Variants in SH3PXD2B observed in about 807,000 individuals in gnomAD.
SH3PXD2B encodes SH3 and PX domain-containing protein 2B.
A neutral mutation model predicts 73.1 loss-of-function variants in SH3PXD2B; 37 were observed. The ratio of observed to expected loss-of-function variants is 0.51; its 90% CI spans 0.39 to 0.67. SH3PXD2B has a LOEUF of 0.67. SH3PXD2B is among the 30% of genes least tolerant of loss of function. The pLI, the probability that SH3PXD2B is intolerant of heterozygous loss-of-function variation, is 0.00. For missense variants in SH3PXD2B, 1,053 were observed against 1,197.8 expected (o/e 0.88, Z 1.78); for synonymous variants, 457 against 480.5 (o/e 0.95, Z 0.64).
At position 172,337,033 on chromosome 5, in the gene SH3PXD2B, C is replaced by A; in HGVS notation, c.*1336G>T. 1.0e-6 allele frequency: 1 copy of A among 985,580 alleles called. No individual in the cohort carries two copies. Among genetic ancestry groups the A allele is most frequent in the Non-Finnish European group, 1.2e-6 (1 of 830,026 alleles). 61.1% of individuals were successfully genotyped at this position (985,580 alleles called of 1,614,324 possible). A position where few individuals can be genotyped will look rare whatever the true frequency, so the allele number is the denominator to read the frequency against. ...ATGCTCAGAGCCCTCCAGGCTGGCC[C>A]TCGAGGCCACCTCAGCTCCCGTTGC... On this transcript the variant is annotated 3_prime_UTR_variant, in exon 13 of 13. Transcript: ENST00000311601.
At chr5:172,415,626 C>T (rs1310933938) in intron 2 of SH3PXD2B, among the ~76,000 whole-genome samples, 3 of 152,184 alleles carry the variant, frequency 2.0e-5, no homozygotes, top group Non-Finnish European at 4.4e-5. Flanking sequence ...GCATCTGGCA[C>T]ATTCCAGTTA....
At chr5:172,432,603 TCGCAAA>T (rs1759273903) in intron 1 of SH3PXD2B, among the ~76,000 whole-genome samples, 1 of 152,244 alleles carries the variant, frequency 6.6e-6, no homozygotes, top group Non-Finnish European at 1.5e-5. Context: ...GTAGGCAAAT[TCGCAAA>T]CATGAAATCT....
intron 7 of SH3PXD2B, among the ~76,000 whole-genome samples, chr5:172,359,362 G>A (rs926365973): frequency 1.2e-4 from 16 of 128,454 alleles, no homozygotes; most frequent in East Asian, 5.1e-4. Context: ...ACTCCAGCCC[G>A]GGCGACAGAG....
chr5:172,390,911 G>A (rs1284041062), intron 4 of SH3PXD2B, among the ~76,000 whole-genome samples: 4 of 150,078 alleles, frequency 2.7e-5, no homozygotes, highest in East Asian at 2.0e-4. Flanking sequence ...ACACGATCTC[G>A]GCTCACCGCA....
intron 1 of SH3PXD2B, among the ~76,000 whole-genome samples, chr5:172,426,208 A>T (rs1454945920): frequency 6.6e-6 from 1 of 152,174 alleles, no homozygotes; most frequent in Non-Finnish European, 1.5e-5. Context: ...CCTGAACACA[A>T]CGTGATGTCT....
In SH3PXD2B at chr5:172,347,317, C is replaced by T. The variant is rs751057399; in HGVS notation, c.1028G>A (p.Arg343Lys). ...GTCCCGGCGAGGAGGGGGTCTCTGC[C>T]TCATCTTTGGTGATCCTATGGAGAA... ...GDAKQRSPKM[R>K]QRPPPRRDMT... The change falls in exon 11 of 13, where the codon AGG (arginine) becomes AAG (lysine). Residue 343 changes from arginine to lysine, a missense_variant. Arg to Lys is a conservative substitution (Grantham distance 26, BLOSUM62 2). Coordinates refer to ENST00000311601, the MANE Select transcript of SH3PXD2B (RefSeq NM_001017995.3). 3.7e-6 allele frequency: 6 copies of T among 1,614,122 alleles called. No homozygotes were observed. The South Asian group carries it at 6.6e-5, about 18-fold the overall frequency.
rs1758753372 is a variant in SH3PXD2B, at chr5:172,413,644, GCCTGGA to G, written c.157-7298_157-7293del. ...TTACATACCAGGTGGCAGCAACAGG[GCCTGGA>G]CCTGAGTTTAGCTGCAACTGCCCAA... On this transcript the variant is annotated intron_variant, in intron 2 of 12. Transcript: ENST00000311601. 2.6e-5 allele frequency among the ~76,000 whole-genome samples: 4 copies of G among 152,230 alleles called. No individual in the cohort carries two copies. The South Asian group carries it at 6.2e-4, about 24-fold the overall frequency.
intron 12 of SH3PXD2B, among the ~76,000 whole-genome samples, chr5:172,342,454 C>G (rs1178424846): frequency 6.6e-6 from 1 of 152,166 alleles, no homozygotes; most frequent in Non-Finnish European, 1.5e-5. Flanking sequence ...GTCACCTAAT[C>G]TTGCCTCTCA....
rs1467385587 is a variant in SH3PXD2B at position 172,439,690 on chromosome 5, GCGCACACACACA to G, written c.75+14576_75+14587del. On this transcript the variant is annotated intron_variant, in intron 1 of 12. Transcript: ENST00000311601. ...TGTGTGCGTGCGTGCGCGCACGCGC[GCGCACACACACA>G]CACACACACACACACACACACACAC... Among the ~76,000 whole-genome samples, 153 of 113,226 alleles carry G rather than the reference GCGCACACACACA, an allele frequency of 1.4e-3. 1 individual carries two copies. The highest frequency in any genetic ancestry group is 5.8e-3 in the South Asian group (21 of 3,634). 74.3% of individuals were successfully genotyped at this position (113,226 alleles called of 152,430 possible).
In SH3PXD2B at chr5:172,424,106, A is replaced by C. The variant is rs191049616; in HGVS notation, c.76-1610T>G. Among the ~76,000 whole-genome samples, 3 of 152,358 alleles carry C rather than the reference A, an allele frequency of 2.0e-5. No homozygotes were observed. The East Asian group carries it at 5.8e-4, about 29-fold the overall frequency. On this transcript the variant is annotated intron_variant, in intron 1 of 12. Coordinates refer to ENST00000311601, the MANE Select transcript of SH3PXD2B (RefSeq NM_001017995.3). The stretch of plus-strand genomic sequence containing the variant: ...CATCCCGATGACACAGTCTAAGCTT[A>C]CATCCAGCTCTGCCTGAAGCTAAAT...
At chr5:172,378,875 C>A (rs1293235020) in intron 5 of SH3PXD2B, among the ~76,000 whole-genome samples, 2 of 151,860 alleles carry the variant, frequency 1.3e-5, no homozygotes, top group Non-Finnish European at 2.9e-5. Flanking sequence ...TCGAGACCAT[C>A]CTGGCTAACA....
In SH3PXD2B at chr5:172,338,877, A is replaced by G. The variant is rs763742230; in HGVS notation, c.2228T>C (p.Val743Ala). The part of the protein sequence containing the change: ...AKTTDPVSKS[V>A]PVPLQEAPQQ... Reference sequence around the variant, plus strand: ...GGGAGCCTCTTGGAGAGGAACAGGCACGCTCTTAGACACAGGATCTGTGGT... The same window carrying G: ...GGGAGCCTCTTGGAGAGGAACAGGCGCGCTCTTAGACACAGGATCTGTGGT... The change falls in exon 13 of 13, where the codon GTG (valine) becomes GCG (alanine). Residue 743 changes from valine to alanine, a missense_variant. Val to Ala is a moderately conservative substitution (Grantham distance 64). This residue lies in a region of SH3PXD2B where 587 missense variants were observed against 590.7 expected (regional missense o/e 0.99). Coordinates refer to ENST00000311601, the MANE Select transcript of SH3PXD2B (RefSeq NM_001017995.3). The surrounding 1 kb of genome is among the most constrained non-coding windows in gnomAD (Gnocchi z 5.1). 1 of 1,612,464 alleles carries G rather than the reference A, an allele frequency of 6.2e-7. No individual in the cohort carries two copies. The highest frequency in any genetic ancestry group is 1.1e-5 in the South Asian group (1 of 91,056).
chr5:172,449,383 T>C (rs566923304), intron 1 of SH3PXD2B, among the ~76,000 whole-genome samples: 1 of 152,316 alleles, frequency 6.6e-6, no homozygotes, highest in South Asian at 2.1e-4. Flanking sequence ...CACAAGGGCA[T>C]GTAGCCCAAT....
intron 12 of SH3PXD2B, among the ~76,000 whole-genome samples, chr5:172,341,685 C>T (rs1756854938): frequency 6.6e-6 from 1 of 152,244 alleles, no homozygotes; most frequent in Non-Finnish European, 1.5e-5. Flanking sequence ...GAGTCTCGCT[C>T]TGTTGCCCAG....
At chr5:172,379,023 T>G (rs928892711) in intron 5 of SH3PXD2B, among the ~76,000 whole-genome samples, 1 of 137,896 alleles carries the variant, frequency 7.3e-6, no homozygotes, top group Non-Finnish European at 1.5e-5. Context: ...TGAGCCAAGA[T>G]CGCGCCACTG....
chr5:172,358,658 C>A, intron 8 of SH3PXD2B, 115 bp downstream of exon 8: 1 of 952,984 alleles, frequency 1.0e-6, no homozygotes, highest in Non-Finnish European at 1.6e-6. Context: ...AGCCAGTGAG[C>A]TGCTGAGACG....
chr5:172,373,485 A>G (rs1757752163), intron 6 of SH3PXD2B, among the ~76,000 whole-genome samples: 1 of 152,238 alleles, frequency 6.6e-6, no homozygotes, highest in African/African-American at 2.4e-5. Flanking sequence ...AAAGACTCCA[A>G]GTCTCAACCA....
intron 7 of SH3PXD2B, among the ~76,000 whole-genome samples, chr5:172,361,021 C>T (rs1561903870): frequency 6.6e-6 from 1 of 151,996 alleles, no homozygotes; most frequent in Non-Finnish European, 1.5e-5. Flanking sequence ...ATCAGAGGAG[C>T]TAGATAGTAA....
chr5:172,328,033 G>A (rs1756478251), intron 12 of SH3PXD2B, among the ~76,000 whole-genome samples: 1 of 145,936 alleles, frequency 6.9e-6, no homozygotes, highest in African/African-American at 2.5e-5. Flanking sequence ...GGGATTATAG[G>A]CGTGAGCCAC....
Sources: allele counts gnomAD v4.1 joint callset (sites outside exome capture counted in the v4.1 genomes callset), GRCh38; gene constraint gnomAD v4.1.1; regional missense constraint gnomAD v4.1.1; non-coding constraint Gnocchi (gnomAD v3.1); transcripts MANE v1.5; gene names NCBI Gene and HGNC (gene_info 2026-07-23, HGNC 2026-07-21).